Variants in GPC5 observed in about 807,000 individuals in gnomAD.
GPC5 encodes the protein glypican-5.
Under a neutral mutation model 53.9 loss-of-function variants are expected in GPC5, and 47 were observed. The ratio of observed to expected loss-of-function variants is 0.87; its 90% CI spans 0.69 to 1.11. GPC5 has a LOEUF of 1.11. Ranked by LOEUF, GPC5 falls within the 50% of genes most tolerant of loss-of-function variation. The probability of loss-of-function intolerance (pLI) is 0.00; values close to 1 mark genes in which losing one functional copy is unlikely to be tolerated. For synonymous variants in GPC5, 286 were observed against 263.3 expected (o/e 1.09, Z -0.84); for missense variants, 748 against 713.1 (o/e 1.05, Z -0.56).
intron 2 of GPC5, among the ~76,000 whole-genome samples, chr13:91,580,553 A>T (rs2032322279): frequency 6.6e-6 from 1 of 152,040 alleles, no homozygotes; most frequent in South Asian, 2.1e-4. Flanking sequence ...ACTTCAATTT[A>T]CCCTCTTCCA....
intron 6 of GPC5, among the ~76,000 whole-genome samples, chr13:92,071,939 A>G (rs550183506): frequency 2.7e-5 from 4 of 146,254 alleles, no homozygotes; most frequent in African/African-American, 4.9e-5. Context: ...TTATACTTAC[A>G]TGTGTATATT....
At chr13:92,045,157 A>G (rs2040971914) in intron 6 of GPC5, among the ~76,000 whole-genome samples, 1 of 152,188 alleles carries the variant, frequency 6.6e-6, no homozygotes, top group African/African-American at 2.4e-5. Flanking sequence ...GAGCAGTTGA[A>G]TGACTGAATA....
intron 6 of GPC5, among the ~76,000 whole-genome samples, chr13:91,989,928 G>A (rs1051728851): frequency 6.6e-6 from 1 of 152,004 alleles, no homozygotes; most frequent in Non-Finnish European, 1.5e-5. Flanking sequence ...GATAAGTGAA[G>A]AGAATTAAAA....
chr13:92,139,793 CT>C (rs2041816589), intron 6 of GPC5, among the ~76,000 whole-genome samples: 1 of 151,652 alleles, frequency 6.6e-6, no homozygotes, highest in African/African-American at 2.4e-5. Flanking sequence ...ACATCAGGGT[CT>C]TTGATGATTT....
intron 7 of GPC5, among the ~76,000 whole-genome samples, chr13:92,824,915 A>T (rs796778883): frequency 6.6e-6 from 1 of 152,176 alleles, no homozygotes; most frequent in African/African-American, 2.4e-5. Flanking sequence ...AAAAGCAAGG[A>T]AATTTTCTGA....
At chr13:92,518,760 T>C (rs1035919500) in intron 7 of GPC5, among the ~76,000 whole-genome samples, 1 of 152,076 alleles carries the variant, frequency 6.6e-6, no homozygotes, top group African/African-American at 2.4e-5. Context: ...AATGACAGGA[T>C]CAAATTCACA....
intron 2 of GPC5, among the ~76,000 whole-genome samples, chr13:91,455,340 A>G (rs1252566871): frequency 6.6e-6 from 1 of 152,104 alleles, no homozygotes; most frequent in Non-Finnish European, 1.5e-5. Flanking sequence ...GTGCATTGTC[A>G]TATTTTCACA....
intron 5 of GPC5, among the ~76,000 whole-genome samples, chr13:91,882,913 G>A (rs1252135306): frequency 6.6e-6 from 1 of 152,034 alleles, no homozygotes. Context: ...AGAGATTGGT[G>A]GCAGTAGAGG....
chr13:92,854,116 A>G (rs759297786), intron 7 of GPC5, among the ~76,000 whole-genome samples: 33 of 151,352 alleles, frequency 2.2e-4, no homozygotes, highest in Admixed American at 9.9e-4. Flanking sequence ...GCCTTAATAT[A>G]TGCTCTCTTT....
chr13:92,728,991 A>G (rs187992371), intron 7 of GPC5, among the ~76,000 whole-genome samples: 1 of 151,480 alleles, frequency 6.6e-6, no homozygotes, highest in African/African-American at 2.4e-5. Context: ...ATATTAGCCC[A>G]GGATTCAATA....
At chr13:91,685,159 G>A (rs1230458637) in intron 2 of GPC5, among the ~76,000 whole-genome samples, 1 of 152,054 alleles carries the variant, frequency 6.6e-6, no homozygotes, top group African/African-American at 2.4e-5. Context: ...AAAATTAGCT[G>A]GGCATGGTGG....
chr13:92,559,942 T>C (rs1304573611), intron 7 of GPC5, among the ~76,000 whole-genome samples: 2 of 151,128 alleles, frequency 1.3e-5, no homozygotes, highest in Non-Finnish European at 2.9e-5. Flanking sequence ...ACCCAAGAGT[T>C]CAGCATTAAT....
chr13:92,745,547 C>T (rs193101908), intron 7 of GPC5, among the ~76,000 whole-genome samples: 1 of 152,124 alleles, frequency 6.6e-6, no homozygotes, highest in Non-Finnish European at 1.5e-5. Flanking sequence ...CAGCTTGCTA[C>T]TCCAGATGGC....
intron 2 of GPC5, among the ~76,000 whole-genome samples, chr13:91,544,681 G>A (rs1280425855): frequency 6.6e-6 from 1 of 152,146 alleles, no homozygotes; most frequent in Non-Finnish European, 1.5e-5. Context: ...TTTGCATGAT[G>A]TATTTGGATG....
chr13:91,566,978 G>T (rs1294842712), intron 2 of GPC5, among the ~76,000 whole-genome samples: 1 of 136,314 alleles, frequency 7.3e-6, no homozygotes, highest in Non-Finnish European at 1.5e-5. Flanking sequence ...AAAGCATTTA[G>T]CAGTGACTGG....
chr13:92,155,930 G>T (rs2138999284), intron 7 of GPC5, among the ~76,000 whole-genome samples: 1 of 152,262 alleles, frequency 6.6e-6, no homozygotes, highest in African/African-American at 2.4e-5. Context: ...GATCATAACA[G>T]AATATGCAAT....
intron 7 of GPC5, among the ~76,000 whole-genome samples, chr13:92,581,226 C>T (rs996800838): frequency 6.6e-6 from 1 of 152,104 alleles, no homozygotes; most frequent in African/African-American, 2.4e-5. Flanking sequence ...CTCCTCAGTC[C>T]CTCTACTCCC....
chr13:91,895,592 C>A (rs1467127512), intron 5 of GPC5, among the ~76,000 whole-genome samples: 1 of 151,672 alleles, frequency 6.6e-6, no homozygotes, highest in Non-Finnish European at 1.5e-5. Context: ...TCCCTTTTGG[C>A]CTTCCCGGCT....
rs142654329 is a variant in GPC5 at position 92,532,855 on chromosome 13, A to G, written c.1562-333427A>G. Reference sequence around the variant, plus strand: ...AAAAGAACATCTTTTGCAAAATGAAAGAACATATAACAAACAGAGTTATAA... The same window carrying G: ...AAAAGAACATCTTTTGCAAAATGAAGGAACATATAACAAACAGAGTTATAA... On this transcript the variant is annotated intron_variant, in intron 7 of 7. Coordinates refer to ENST00000377067, the MANE Select transcript of GPC5 (RefSeq NM_004466.6). Among the ~76,000 whole-genome samples, 606 of 152,282 alleles carry G rather than the reference A, an allele frequency of 4.0e-3. 7 individuals carry two copies. Among genetic ancestry groups the G allele is most frequent in the African/African-American group, 0.014 (589 of 41,572 alleles).
Sources: allele counts gnomAD v4.1 joint callset (sites outside exome capture counted in the v4.1 genomes callset), GRCh38; gene constraint gnomAD v4.1.1; transcripts MANE v1.5; gene names NCBI Gene and HGNC (gene_info 2026-07-23, HGNC 2026-07-21).